Variants in SH2D4B observed in about 807,000 individuals in gnomAD.
SH2D4B encodes the protein SH2 domain containing 4B.
In SH2D4B, 45 loss-of-function variants were observed where a neutral mutation model predicts 61.5. The observed-to-expected ratio is 0.73, with a 90% CI of 0.58 to 0.94. The LOEUF (loss-of-function observed/expected upper bound fraction) is 0.94, where lower values mean the gene tolerates loss of function less well. Among genes scored for constraint, SH2D4B ranks in the 40% least tolerant of loss-of-function variants. The pLI is 0.00. For missense variants in SH2D4B, 572 were observed against 574.2 expected, an observed-to-expected ratio of 1.00 and a Z score of 0.04; for synonymous variants, 224 against 220.4, an observed-to-expected ratio of 1.02 and a Z score of -0.14.
At chr10:80,572,984 A>ATTTTTTT (rs1283153702) in intron 3 of SH2D4B, among the ~76,000 whole-genome samples, 8 of 8,296 alleles carry the variant, frequency 9.6e-4, no homozygotes, top group Non-Finnish European at 1.3e-3. Flanking sequence ...ATATATATAT[A>ATTTTTTT]TATTTTTTTT....
intron 3 of SH2D4B, among the ~76,000 whole-genome samples, chr10:80,585,607 G>A (rs148975547): frequency 2.0e-4 from 31 of 152,278 alleles, no homozygotes; most frequent in Middle Eastern, 3.4e-3. Flanking sequence ...GAACCACCGC[G>A]CCCAGCCAGG....
At chr10:80,605,257 C>T (rs1842505350) in intron 5 of SH2D4B, among the ~76,000 whole-genome samples, 1 of 149,842 alleles carries the variant, frequency 6.7e-6, no homozygotes, top group African/African-American at 2.5e-5. Flanking sequence ...GAAGGCTTTT[C>T]ATATCAATTC....
chr10:80,594,930 G>A (rs1222582734), intron 4 of SH2D4B, among the ~76,000 whole-genome samples: 5 of 152,072 alleles, frequency 3.3e-5, no homozygotes, highest in Non-Finnish European at 5.9e-5. Context: ...AAGGTGGATG[G>A]GTGGAAAGTA....
intron 6 of SH2D4B, among the ~76,000 whole-genome samples, chr10:80,633,102 G>A (rs1240360762): frequency 6.6e-6 from 1 of 151,844 alleles, no homozygotes; most frequent in Non-Finnish European, 1.5e-5. Context: ...GGAGAGTGAT[G>A]GGAGGGGAGC....
At chr10:80,589,372 A>C (rs1842299553) in intron 4 of SH2D4B, among the ~76,000 whole-genome samples, 1 of 152,192 alleles carries the variant, frequency 6.6e-6, no homozygotes, top group Admixed American at 6.5e-5. Context: ...TGTCTCTACA[A>C]AAAAATAAGA....
chr10:80,643,335 G>A (rs1036913860), intron 7 of SH2D4B, among the ~76,000 whole-genome samples: 9 of 150,902 alleles, frequency 6.0e-5, no homozygotes, highest in African/African-American at 2.2e-4. Flanking sequence ...ATCTCTTAAA[G>A]CCTCTTCTGT....
intron 1 of SH2D4B, among the ~76,000 whole-genome samples, chr10:80,548,811 G>C (rs1198949119): frequency 6.6e-6 from 1 of 152,282 alleles, no homozygotes; most frequent in Admixed American, 6.5e-5. Flanking sequence ...TCACTGTCTA[G>C]CCAACCTCAG....
intron 1 of SH2D4B, among the ~76,000 whole-genome samples, chr10:80,558,546 T>C (rs1271975018): frequency 1.3e-5 from 2 of 152,152 alleles, no homozygotes; most frequent in Non-Finnish European, 2.9e-5. Context: ...AGTGGTTCAG[T>C]CTTGGGTCAC....
rs369106707 is a variant in SH2D4B, at chr10:80,571,521, G to A, written c.438G>A (p.Glu146=). 93 of 1,614,032 alleles carry A rather than the reference G, an allele frequency of 5.8e-5. No individual in the cohort carries two copies. In the Middle Eastern group the frequency reaches 8.2e-4, roughly 14 times the overall value. The change falls in exon 3 of 8, where the codon GAG becomes GAA. Residue 146 remains glutamate (E), a synonymous_variant. Coordinates refer to ENST00000646907, the MANE Select transcript of SH2D4B (RefSeq NM_001388272.1). The part of the protein sequence containing the change: ...ARILAEKWKV[E]MEDRKAAKVL... ...TCTTGGCGGAGAAGTGGAAAGTGGA[G>A]ATGGAAGACCGCAAGGCTGCCAAAG...
rs572602639 is a variant in SH2D4B, at chr10:80,538,857, G to A, written c.184+342G>A. Among the ~76,000 whole-genome samples the A allele has an allele frequency of 6.6e-6, 1 of 152,200 alleles. No individual in the cohort carries two copies. Among genetic ancestry groups the A allele is most frequent in the Non-Finnish European group, 1.5e-5 (1 of 68,036 alleles). On this transcript the variant is annotated intron_variant, in intron 1 of 7. Coordinates refer to ENST00000646907, the MANE Select transcript of SH2D4B (RefSeq NM_001388272.1). This position sits in a 1 kb window ranked among gnomAD's most constrained non-coding sequence, Gnocchi z 4.8. ...CGTGGTTGGCAATGGTAGGGTGAAC[G>A]ACGGCATATTTGTGACCCTTGCCAT...
intron 6 of SH2D4B, among the ~76,000 whole-genome samples, chr10:80,624,639 C>T (rs1842751431): frequency 6.6e-6 from 1 of 152,248 alleles, no homozygotes; most frequent in Admixed American, 6.5e-5. Context: ...CATACCACTG[C>T]TTGATGTAAC....
intron 1 of SH2D4B, among the ~76,000 whole-genome samples, chr10:80,558,115 C>A (rs570574953): frequency 6.6e-6 from 1 of 151,190 alleles, no homozygotes; most frequent in Non-Finnish European, 1.5e-5. Flanking sequence ...GAATTGTGTT[C>A]TTTAGTTTCT....
rs922399841 is a variant in SH2D4B, at chr10:80,644,265, G to A, written c.*180G>A. ...ATAGGGCTACTGGTCTCATCCCAGC[G>A]ATCGGGACAGAAATTGCTAATAGCT... On this transcript the variant is annotated 3_prime_UTR_variant, in exon 8 of 8. Transcript: ENST00000646907. 4.4e-5 allele frequency: 25 copies of A among 570,530 alleles called. No homozygotes were observed. The highest frequency in any genetic ancestry group is 4.0e-4 in the African/African-American group (21 of 53,112). 35.3% of individuals were successfully genotyped at this position (570,530 alleles called of 1,614,324 possible).
intron 1 of SH2D4B, among the ~76,000 whole-genome samples, chr10:80,552,704 C>T (rs1028372151): frequency 1.7e-4 from 26 of 152,204 alleles, no homozygotes; most frequent in African/African-American, 6.0e-4. Flanking sequence ...TTACTGCTTT[C>T]CAGGTTTTTC....
intron 7 of SH2D4B, among the ~76,000 whole-genome samples, chr10:80,636,095 G>C (rs1255239262): frequency 6.6e-6 from 1 of 152,108 alleles, no homozygotes; most frequent in Non-Finnish European, 1.5e-5. Context: ...ATGGTTTCCA[G>C]CTTCATCCAT....
chr10:80,615,602 C>A (rs1384605648), intron 6 of SH2D4B, among the ~76,000 whole-genome samples: 2 of 152,180 alleles, frequency 1.3e-5, no homozygotes, highest in African/African-American at 4.8e-5. Flanking sequence ...CTGGGGATGC[C>A]CTGTTTGGTC....
At chr10:80,605,286 C>A (rs1302780541) in intron 5 of SH2D4B, among the ~76,000 whole-genome samples, 1 of 150,288 alleles carries the variant, frequency 6.7e-6, no homozygotes. Flanking sequence ...TCTATTTAGG[C>A]TTTTTTTTTA....
intron 1 of SH2D4B, among the ~76,000 whole-genome samples, chr10:80,559,535 G>C (rs1026555110): frequency 6.6e-6 from 1 of 151,494 alleles, no homozygotes; most frequent in Non-Finnish European, 1.5e-5. Flanking sequence ...GTTTCTTACT[G>C]TAATATAGAC....
intron 1 of SH2D4B, among the ~76,000 whole-genome samples, chr10:80,543,448 G>A (rs1192610569): frequency 1.3e-5 from 2 of 152,158 alleles, no homozygotes; most frequent in Non-Finnish European, 2.9e-5. Context: ...CTGCCTTCCC[G>A]CGGCGCAGGG....
Sources: allele counts gnomAD v4.1 joint callset (sites outside exome capture counted in the v4.1 genomes callset), GRCh38; gene constraint gnomAD v4.1.1; non-coding constraint Gnocchi (gnomAD v3.1); transcripts MANE v1.5; gene names NCBI Gene and HGNC (gene_info 2026-07-23, HGNC 2026-07-21).